DENND1B: variants seen among roughly 807,000 people sequenced by gnomAD.
The protein encoded by DENND1B is DENN domain-containing protein 1B.
In DENND1B, 59 loss-of-function variants were observed where a neutral mutation model predicts 90.1. The ratio of observed to expected loss-of-function variants is 0.65; its 90% confidence interval spans 0.53 to 0.81. The LOEUF (loss-of-function observed/expected upper bound fraction) is 0.81, where lower values mean the gene tolerates loss of function less well. Among genes scored for constraint, DENND1B ranks in the 40% least tolerant of loss-of-function variants. The probability of loss-of-function intolerance (pLI) is 0.00; values close to 1 mark genes in which losing one functional copy is unlikely to be tolerated. For synonymous variants in DENND1B, 337 were observed against 324.6 expected, an observed-to-expected ratio of 1.04 and a Z score of -0.41; for missense variants, 862 against 912.6, an observed-to-expected ratio of 0.94 and a Z score of 0.71.
intron 7 of DENND1B, 60 bp downstream of exon 7, chr1:197,652,175 T>G: frequency 2.8e-6 from 4 of 1,431,536 alleles, no homozygotes; most frequent in Non-Finnish European, 3.9e-6. Flanking sequence ...GTACACGTGC[T>G]CTTAACGAAA....
intron 1 of DENND1B, 119 bp from the exon 2 acceptor site, chr1:197,773,051 T>C (rs1390258813): frequency 1.2e-6 from 1 of 805,010 alleles, no homozygotes; most frequent in Non-Finnish European, 2.1e-6. Flanking sequence ...CGTGACTGTA[T>C]TACTACAGTA....
chr1:197,536,905 G>A (rs901020163), intron 20 of DENND1B, among the ~76,000 whole-genome samples: 2 of 152,030 alleles, frequency 1.3e-5, no homozygotes, highest in African/African-American at 4.8e-5. Flanking sequence ...GCCAGGCGTG[G>A]TGGCGGGTGC....
chr1:197,544,426 G>A (rs1282834057), intron 18 of DENND1B, among the ~76,000 whole-genome samples: 1 of 152,172 alleles, frequency 6.6e-6, no homozygotes, highest in Non-Finnish European at 1.5e-5. Context: ...GTTCTGAGGA[G>A]TAGGGGGAAA....
At chr1:197,781,039 G>C in the DENND1B span, among the ~76,000 whole-genome samples, 1 of 152,146 alleles carries the variant, frequency 6.6e-6, no homozygotes, top group Non-Finnish European at 1.5e-5. Flanking sequence ...TTAAACAAAA[G>C]TGAAGAGTTA....
intron 15 of DENND1B, among the ~76,000 whole-genome samples, chr1:197,563,615 T>C (rs1672360801): frequency 6.6e-6 from 1 of 151,894 alleles, no homozygotes; most frequent in Non-Finnish European, 1.5e-5. Flanking sequence ...GAGATTAATG[T>C]TGTTTTCATG....
At chr1:197,518,530 C>T (rs1282150412) in intron 20 of DENND1B, among the ~76,000 whole-genome samples, 1 of 151,866 alleles carries the variant, frequency 6.6e-6, no homozygotes, top group Non-Finnish European at 1.5e-5. Context: ...CCTTAATTTA[C>T]AGATGTTTCA....
intron 2 of DENND1B, chr1:197,747,155 T>TC (rs148802145): frequency 3.9e-6 from 3 of 765,804 alleles, no homozygotes; most frequent in East Asian, 5.5e-5. Context: ...TTTCTTTTTT[T>TC]CCCTCTGAAT....
chr1:197,663,585 T>C (rs1397672671), intron 5 of DENND1B, among the ~76,000 whole-genome samples: 1 of 152,102 alleles, frequency 6.6e-6, no homozygotes, highest in African/African-American at 2.4e-5. Flanking sequence ...TATAATTCAC[T>C]GTAAAAATCC....
intron 18 of DENND1B, among the ~76,000 whole-genome samples, chr1:197,542,855 T>G (rs1480398262): frequency 1.3e-5 from 2 of 152,162 alleles, no homozygotes; most frequent in Non-Finnish European, 2.9e-5. Context: ...ATTAGGTATA[T>G]TCTAAAGATC....
chr1:197,703,377 T>C (rs1268929351), intron 3 of DENND1B, among the ~76,000 whole-genome samples: 1 of 152,146 alleles, frequency 6.6e-6, no homozygotes, highest in African/African-American at 2.4e-5. Context: ...TGGGACTTAT[T>C]AGGGACCCTG....
chr1:197,748,276 G>T lies in DENND1B; in HGVS notation c.82+24592C>A, dbSNP rs540803626. Among the ~76,000 whole-genome samples, 9 of 141,142 alleles carry T rather than the reference G, an allele frequency of 6.4e-5. No homozygotes were observed. The South Asian group carries it at 1.8e-3, about 28-fold the overall frequency. 92.6% of individuals were successfully genotyped at this position (141,142 alleles called of 152,430 possible). ...AACAAAATATCAGGGAAGTAGGGGTGGGGGGGTGGGGGCATGAAAAGTAAA... is the reference window on the plus strand; with the variant it reads ...AACAAAATATCAGGGAAGTAGGGGTTGGGGGGTGGGGGCATGAAAAGTAAA... On this transcript the variant is annotated intron_variant, in intron 2 of 22. Transcript: ENST00000620048.
rs1481780076 is a variant in DENND1B at position 197,506,543 on chromosome 1, C to A, written c.*3917G>T. On this transcript the variant is annotated 3_prime_UTR_variant, in exon 23 of 23. Transcript: ENST00000620048. ...AAGAAAATTTATTCATGAAAATAAT[C>A]AGTCTTTTCCTGAAAATCCACATTT... The A allele has an allele frequency of 6.6e-6, 1 of 151,372 alleles. No homozygotes were observed. The highest frequency in any genetic ancestry group is 2.4e-5 in the African/African-American group (1 of 41,342). 9.4% of individuals were successfully genotyped at this position (151,372 alleles called of 1,614,324 possible).
At chr1:197,777,550 A>G (rs1395149676), upstream of DENND1B, among the ~76,000 whole-genome samples, 2 of 152,214 alleles carry the variant, frequency 1.3e-5, no homozygotes, top group Non-Finnish European at 2.9e-5. Flanking sequence ...CCTTGGTAAT[A>G]GCTTTAATGA....
Position 197,568,057 on chromosome 1 carries a change from A to G in DENND1B, c.1150-14945T>C, listed in dbSNP as rs1416743086. Among the ~76,000 whole-genome samples, 4 of 151,370 alleles carry G rather than the reference A, an allele frequency of 2.6e-5. No individual in the cohort carries two copies. In the East Asian group the frequency reaches 7.8e-4, roughly 30 times the overall value. On this transcript the variant is annotated intron_variant, in intron 15 of 22. Transcript: ENST00000620048. ...AGGGAAGGCAGGCAGGGAGGGAGGG[A>G]AGGAGGGAGGGAGGGAAATTGTTTG... is the stretch of plus-strand genomic sequence containing the variant.
At chr1:197,611,817 T>C (rs1572062030) in intron 12 of DENND1B, 114 bp downstream of exon 12, 2 of 803,752 alleles carry the variant, frequency 2.5e-6, no homozygotes, top group Non-Finnish European at 3.9e-6. Flanking sequence ...ACTCTAAATA[T>C]GAAACTAGTC....
intron 18 of DENND1B, among the ~76,000 whole-genome samples, chr1:197,544,032 A>G (rs1041432208): frequency 1.3e-5 from 2 of 152,176 alleles, no homozygotes; most frequent in Admixed American, 6.5e-5. Context: ...GAATTTTAAA[A>G]AATTTATTGA....
chr1:197,735,876 G>GCTATTACAGGTGC, intron 2 of DENND1B: 1 of 1,552,338 alleles, frequency 6.4e-7, no homozygotes, highest in South Asian at 1.1e-5. Flanking sequence ...ATTGCAGGGG[G>GCTATTACAGGTGC]CTATTACAGG....
intron 15 of DENND1B, among the ~76,000 whole-genome samples, chr1:197,560,739 T>G (rs1309019700): frequency 2.0e-5 from 3 of 151,884 alleles, no homozygotes; most frequent in East Asian, 3.9e-4. Context: ...CCAATAGGAT[T>G]TGAATACCAA....
At chr1:197,680,215 C>T (rs907358278) in intron 3 of DENND1B, among the ~76,000 whole-genome samples, 2 of 152,044 alleles carry the variant, frequency 1.3e-5, no homozygotes, top group African/African-American at 2.4e-5. Flanking sequence ...AAGAAAAAGA[C>T]ATTTGGGAAG....
Sources: gnomAD v4.1 joint callset for allele counts (sites outside exome capture counted in the v4.1 genomes callset) on GRCh38, gnomAD v4.1.1 for gene constraint, MANE v1.5 for transcripts, NCBI Gene and HGNC (gene_info 2026-07-23, HGNC 2026-07-21) for gene names.